The following SRPRB variants were observed in gnomAD, a reference collection of about 807,000 sequenced individuals.
SRPRB encodes the protein SRP receptor subunit beta.
Under a neutral mutation model 31.9 loss-of-function variants are expected in SRPRB, and 20 were observed. The ratio of observed to expected loss-of-function variants is 0.63; its 90% CI spans 0.44 to 0.91. The LOEUF (loss-of-function observed/expected upper bound fraction) is 0.91, where lower values mean the gene tolerates loss of function less well. Ranked by LOEUF, SRPRB falls within the 40% of genes least tolerant of loss-of-function variation. The pLI is 0.00. For missense variants in SRPRB, 321 were observed against 324.9 expected (o/e 0.99, Z 0.09); for synonymous variants, 146 against 132.8 (o/e 1.10, Z -0.68).
chr3:133,811,750 T>A (rs1935266876), intron 4 of SRPRB, among the ~76,000 whole-genome samples: 1 of 152,008 alleles, frequency 6.6e-6, no homozygotes, highest in Non-Finnish European at 1.5e-5. Flanking sequence ...ACCCTGCTAA[T>A]TTTTCATAAT....
chr3:133,787,059 T>C (rs765353846), intron 1 of SRPRB: 1 of 152,260 alleles, frequency 6.6e-6, no homozygotes, highest in Non-Finnish European at 1.5e-5. Flanking sequence ...AATATGCTAG[T>C]GTGTTCATAC....
intron 1 of SRPRB, among the ~76,000 whole-genome samples, chr3:133,799,911 T>C (rs528252174): frequency 2.0e-5 from 3 of 152,328 alleles, no homozygotes; most frequent in South Asian, 4.1e-4. Flanking sequence ...CCTCTTCTCA[T>C]CTACGTCACT....
intron 4 of SRPRB, among the ~76,000 whole-genome samples, chr3:133,814,384 G>C (rs1393500838): frequency 6.6e-6 from 1 of 152,000 alleles, no homozygotes; most frequent in Non-Finnish European, 1.5e-5. Context: ...GCCCGCCTCG[G>C]CTTCCCAAAG....
intron 4 of SRPRB, among the ~76,000 whole-genome samples, chr3:133,813,241 G>A (rs1392510870): frequency 6.6e-6 from 1 of 152,164 alleles, no homozygotes; most frequent in East Asian, 1.9e-4. Context: ...GAATTCAGTT[G>A]TGCTATTCCA....
intron 6 of SRPRB, among the ~76,000 whole-genome samples, chr3:133,817,364 A>T (rs1274305907): frequency 6.6e-6 from 1 of 152,236 alleles, no homozygotes; most frequent in Non-Finnish European, 1.5e-5. Context: ...AGGAAAAAAG[A>T]AATTAAAACA....
chr3:133,786,291 A>G (rs1007521546), intron 1 of SRPRB: 1 of 151,732 alleles, frequency 6.6e-6, no homozygotes, highest in African/African-American at 2.4e-5. Context: ...TGAAATGCCT[A>G]TGTTAAAATT....
downstream of SRPRB, chr3:133,825,414 A>G (rs1576388804): frequency 6.6e-6 from 1 of 152,362 alleles, no homozygotes; most frequent in Non-Finnish European, 1.5e-5. Context: ...TGGTCTGGCC[A>G]TTGCTCCCCT....
rs1935168166 is a variant in SRPRB at position 133,806,716 on chromosome 3, A to G, written c.249+13A>G. On this transcript the variant is annotated intron_variant, in intron 2 of 6. Transcript: ENST00000678299. ...GCTCTTTGTCAGGGTAAATGATTTCATTGACACCCCTGTTAAGCTTAATAG... is the reference window on the plus strand; with the variant it reads ...GCTCTTTGTCAGGGTAAATGATTTCGTTGACACCCCTGTTAAGCTTAATAG... The G allele has an allele frequency of 1.3e-6, 2 of 1,597,834 alleles. No homozygotes were observed. Among genetic ancestry groups the G allele is most frequent in the Non-Finnish European group, 1.7e-6 (2 of 1,165,322 alleles).
chr3:133,799,283 A>G (rs1314047303), intron 1 of SRPRB, among the ~76,000 whole-genome samples: 1 of 152,190 alleles, frequency 6.6e-6, no homozygotes, highest in Admixed American at 6.5e-5. Flanking sequence ...TGAAATCCTA[A>G]ATTTCCATCA....
chr3:133,819,820 G>A lies in SRPRB; in HGVS notation c.*54G>A. The stretch of plus-strand genomic sequence containing the variant: ...TGTGTGACACACAGTTTTGGAAAAA[G>A]GTCTGTGGTAGTCTGGAGTTGATGA... On this transcript the variant is annotated 3_prime_UTR_variant, in exon 7 of 7. Coordinates refer to ENST00000678299, the MANE Select transcript of SRPRB (RefSeq NM_001379313.1). 2.0e-6 allele frequency: 3 copies of A among 1,535,488 alleles called. No homozygotes were observed. The Admixed American group carries it at 5.4e-5, about 28-fold the overall frequency.
At chr3:133,823,235 G>A (rs960332188), downstream of SRPRB, among the ~76,000 whole-genome samples, 2 of 152,218 alleles carry the variant, frequency 1.3e-5, no homozygotes, top group African/African-American at 2.4e-5. Context: ...GCCATGTTCT[G>A]TTGACTTGAA....
At chr3:133,814,666 T>C (rs371446587) in intron 4 of SRPRB, among the ~76,000 whole-genome samples, 1 of 151,774 alleles carries the variant, frequency 6.6e-6, no homozygotes, top group Middle Eastern at 3.4e-3. Flanking sequence ...CTCGAACTCC[T>C]GACCTCAAGT....
intron 3 of SRPRB, among the ~76,000 whole-genome samples, chr3:133,808,902 A>T (rs1026704826): frequency 6.6e-5 from 10 of 151,140 alleles, no homozygotes; most frequent in Admixed American, 3.3e-4. Flanking sequence ...AAAAAAAAAA[A>T]AAATATAAGG....
intron 1 of SRPRB, chr3:133,796,140 AAAGACCATC>A (rs751194160): frequency 6.5e-6 from 1 of 153,448 alleles, no homozygotes; most frequent in Non-Finnish European, 1.5e-5. Context: ...CCTCTCGCCA[AAAGACCATC>A]AAGCTTCAGA....
chr3:133,806,082 C>A, intron 1 of SRPRB, 80 bp downstream of exon 1: 2 of 1,538,710 alleles, frequency 1.3e-6, no homozygotes, highest in African/African-American at 1.4e-5. Flanking sequence ...AGGCCGGGGA[C>A]GCGGGGCTGA....
intron 1 of SRPRB, among the ~76,000 whole-genome samples, chr3:133,800,291 C>A (rs13061203): frequency 0.13 from 20,100 of 152,178 alleles, 1,648 homozygotes; most frequent in Admixed American, 0.17. Context: ...CCAGACCTTC[C>A]CTATGCCTAC....
chr3:133,828,000 G>A (rs1415853545), downstream of SRPRB: 4 of 702,612 alleles, frequency 5.7e-6, no homozygotes, highest in Admixed American at 4.0e-5. Flanking sequence ...TCCTTCTGAT[G>A]GCCTCTTGCT....
At chr3:133,797,981 C>T (rs1009795691) in intron 1 of SRPRB, among the ~76,000 whole-genome samples, 1 of 152,048 alleles carries the variant, frequency 6.6e-6, no homozygotes, top group African/African-American at 2.4e-5. Context: ...TCTCGGTATC[C>T]AGAAGATAGT....
intron 1 of SRPRB, among the ~76,000 whole-genome samples, chr3:133,797,469 A>G (rs1171949395): frequency 6.6e-6 from 1 of 152,242 alleles, no homozygotes; most frequent in Non-Finnish European, 1.5e-5. Flanking sequence ...AGTCCTATTT[A>G]AAACACCTAG....
Sources: allele counts gnomAD v4.1 joint callset (sites outside exome capture counted in the v4.1 genomes callset), GRCh38; gene constraint gnomAD v4.1.1; transcripts MANE v1.5; gene names NCBI Gene and HGNC (gene_info 2026-07-23, HGNC 2026-07-21).